Variants in TPTE observed in about 807,000 individuals in gnomAD.
TPTE encodes the protein transmembrane phosphatase with tensin homology, also known as putative tyrosine-protein phosphatase TPTE.
In TPTE, 59 loss-of-function variants were observed where a neutral mutation model predicts 84.1. The ratio of observed to expected loss-of-function variants is 0.70; its 90% CI spans 0.57 to 0.87. The LOEUF is 0.87. Ranked by LOEUF, TPTE falls within the 40% of genes least tolerant of loss-of-function variation. TPTE has a pLI of 0.00. For missense variants in TPTE, 382 were observed against 659.6 expected (o/e 0.58, Z 4.61); for synonymous variants, 130 against 223.5 (o/e 0.58, Z 3.73).
At position 10,605,561 on chromosome 21, in the gene TPTE, C is replaced by T. The variant is rs376387191; in HGVS notation, c.*9C>T. ...TAGCTGGATCCGATTAAGTATAGCTCCCCCTTCCCCTTCTGGGAAAGAATT... is the reference window on the plus strand; with the variant it reads ...TAGCTGGATCCGATTAAGTATAGCTTCCCCTTCCCCTTCTGGGAAAGAATT... On this transcript the variant is annotated 3_prime_UTR_variant, in exon 24 of 24. Transcript: ENST00000618007. The T allele has an allele frequency of 6.6e-5, 107 of 1,613,792 alleles. No homozygotes were observed. Among genetic ancestry groups the T allele is most frequent in the African/African-American group, 5.2e-4 (39 of 75,022 alleles).
chr21:10,522,064 C>G (rs1248457270), intron 1 of TPTE, among the ~76,000 whole-genome samples: 3 of 151,836 alleles, frequency 2.0e-5, no homozygotes, highest in Admixed American at 1.3e-4. Flanking sequence ...GCGCGCCCCC[C>G]GCCCGCGCCA....
intron 14 of TPTE, among the ~76,000 whole-genome samples, chr21:10,572,308 T>C (rs1177608392): frequency 5.3e-5 from 8 of 152,360 alleles, no homozygotes; most frequent in Admixed American, 5.2e-4. Context: ...AAAAATTACC[T>C]GGGTGTGGTG....
At chr21:10,531,306 C>T (rs1349518075) in intron 3 of TPTE, among the ~76,000 whole-genome samples, 3 of 152,306 alleles carry the variant, frequency 2.0e-5, no homozygotes, top group Non-Finnish European at 2.9e-5. Context: ...AGTGAGTACT[C>T]ACTCTATTAG....
At chr21:10,556,868 T>C (rs10222123) in intron 8 of TPTE, among the ~76,000 whole-genome samples, 670 of 152,054 alleles carry the variant, frequency 4.4e-3, no homozygotes, top group African/African-American at 0.015. Flanking sequence ...TCATATCCTT[T>C]GCCCACTTTT....
chr21:10,557,011 G>T (rs1218470583), intron 8 of TPTE, among the ~76,000 whole-genome samples: 3 of 152,304 alleles, frequency 2.0e-5, no homozygotes, highest in Non-Finnish European at 4.4e-5. Context: ...CACTCTGATG[G>T]TAGTTTCTTT....
chr21:10,601,907 A>G (rs1439819938), intron 21 of TPTE, 151 bp from the exon 22 acceptor site: 2 of 816,338 alleles, frequency 2.4e-6, no homozygotes, highest in African/African-American at 3.4e-5. Flanking sequence ...TGCAACTAGA[A>G]GAGATTATTA....
At chr21:10,565,988 C>T (rs1196069909) in intron 10 of TPTE, among the ~76,000 whole-genome samples, 1 of 152,312 alleles carries the variant, frequency 6.6e-6, no homozygotes, top group Non-Finnish European at 1.5e-5. Flanking sequence ...CACAGGCTAC[C>T]AAAGCAAAAA....
chr21:10,605,401 T>TG lies in TPTE; in HGVS notation c.1521-16_1521-15insG. 6.2e-7 allele frequency: 1 copy of TG among 1,612,502 alleles called. No individual in the cohort carries two copies. The highest frequency in any genetic ancestry group is 8.5e-7 in the Non-Finnish European group (1 of 1,179,260). On this transcript the variant is annotated splice_polypyrimidine_tract_variant and intron_variant, in intron 23 of 23. Transcript: ENST00000618007. ...GAGCCCCAATATAAAATGTAATAATTTTTTTCTATTCTTAGGCTTTATCTA... is the reference window on the plus strand; with the variant it reads ...GAGCCCCAATATAAAATGTAATAATTGTTTTTCTATTCTTAGGCTTTATCTA...
chr21:10,561,522 A>C (rs1315185564), intron 10 of TPTE, among the ~76,000 whole-genome samples: 1 of 152,294 alleles, frequency 6.6e-6, no homozygotes, highest in Non-Finnish European at 1.5e-5. Context: ...ATTTTAAAAT[A>C]ATTAACGGGA....
chr21:10,578,087 T>C (rs565519241), intron 15 of TPTE, among the ~76,000 whole-genome samples: 1 of 152,308 alleles, frequency 6.6e-6, no homozygotes, highest in Admixed American at 6.5e-5. Context: ...ATGAATAGTC[T>C]GCTAGAAAGT....
intron 17 of TPTE, among the ~76,000 whole-genome samples, chr21:10,589,598 C>G (rs1323498171): frequency 6.6e-6 from 1 of 152,308 alleles, no homozygotes; most frequent in Non-Finnish European, 1.5e-5. Context: ...GTCTTTCCCC[C>G]ACAAAGTCTC....
chr21:10,525,904 C>A (rs469952), intron 2 of TPTE, among the ~76,000 whole-genome samples: 15,999 of 146,416 alleles, frequency 0.11, 7 homozygotes, highest in African/African-American at 0.29. Flanking sequence ...ACTTGCTTAG[C>A]AATCCTGGCT....
intron 17 of TPTE, among the ~76,000 whole-genome samples, chr21:10,587,550 CTTT>C (rs61197958): frequency 1.4e-5 from 2 of 143,228 alleles, no homozygotes; most frequent in Non-Finnish European, 1.5e-5. Context: ...GAAATGATTT[CTTT>C]TTTTTTTTTT....
intron 6 of TPTE, among the ~76,000 whole-genome samples, chr21:10,543,011 A>ATT (rs2074398699): frequency 1.2e-5 from 1 of 85,516 alleles, no homozygotes. Context: ...ATCTGACTGT[A>ATT]TTCTTTTTTT....
intron 14 of TPTE, chr21:10,576,328 G>A: frequency 4.2e-6 from 1 of 239,924 alleles, no homozygotes; most frequent in South Asian, 5.3e-5. Context: ...TTTTTGTTCA[G>A]AAGTGTGCCC....
intron 17 of TPTE, among the ~76,000 whole-genome samples, chr21:10,586,057 TA>T (rs1488789233): frequency 1.3e-5 from 2 of 152,298 alleles, no homozygotes; most frequent in African/African-American, 2.4e-5. Context: ...CTCTATTTTT[TA>T]CTTATTTTTT....
intron 23 of TPTE, among the ~76,000 whole-genome samples, chr21:10,603,964 C>A (rs1443228473): frequency 6.6e-6 from 1 of 152,310 alleles, no homozygotes; most frequent in Non-Finnish European, 1.5e-5. Flanking sequence ...TATGTCAGGT[C>A]CCTGTCAGTA....
chr21:10,597,367 A>C (rs1486058299), intron 20 of TPTE, among the ~76,000 whole-genome samples: 2 of 152,298 alleles, frequency 1.3e-5, no homozygotes, highest in Non-Finnish European at 2.9e-5. Flanking sequence ...ATTAGCAAGA[A>C]AGGTTGCAAA....
intron 7 of TPTE, among the ~76,000 whole-genome samples, chr21:10,552,169 T>G (rs2074587767): frequency 6.6e-6 from 1 of 152,310 alleles, no homozygotes; most frequent in South Asian, 2.1e-4. Context: ...GGTATATACA[T>G]AAGTTTTTCG....
Sources: allele counts gnomAD v4.1 joint callset (sites outside exome capture counted in the v4.1 genomes callset), GRCh38; gene constraint gnomAD v4.1.1; transcripts MANE v1.5; gene names NCBI Gene and HGNC (gene_info 2026-07-23, HGNC 2026-07-21).